The following DPP4 variants were observed in gnomAD, a reference collection of about 807,000 sequenced individuals.
DPP4 encodes dipeptidyl peptidase 4.
Under a neutral mutation model 122.4 loss-of-function variants are expected in DPP4, and 93 were observed. The ratio of observed to expected loss-of-function variants is 0.76; its 90% confidence interval spans 0.64 to 0.90. DPP4 has a LOEUF of 0.90. Ranked by LOEUF, DPP4 falls within the 40% of genes least tolerant of loss-of-function variation. DPP4 has a pLI of 0.00. For missense variants in DPP4, 914 were observed against 907.3 expected, an observed-to-expected ratio of 1.01 and a Z score of -0.09; for synonymous variants, 321 against 302.9, an observed-to-expected ratio of 1.06 and a Z score of -0.62.
intron 25 of DPP4, among the ~76,000 whole-genome samples, chr2:161,994,747 G>A (rs1349289681): frequency 2.0e-5 from 3 of 152,090 alleles, no homozygotes; most frequent in Non-Finnish European, 2.9e-5. Context: ...CAGCATATGC[G>A]ATATTGTGCT....
At position 162,005,730 on chromosome 2, in the gene DPP4, G is replaced by T; in HGVS notation, c.2052+15C>A. On this transcript the variant is annotated intron_variant, in intron 23 of 25. Coordinates refer to ENST00000360534, the MANE Select transcript of DPP4 (RefSeq NM_001935.4). ...TAAATAGGTTATAAAATAGGTATAG[G>T]TCCTCATCTCTTACTCTGTAATGGT... 6.2e-7 allele frequency: 1 copy of T among 1,608,336 alleles called. No individual in the cohort carries two copies. The highest frequency in any genetic ancestry group is 2.2e-5 in the East Asian group (1 of 44,750).
rs948042002 is a variant in DPP4, at chr2:162,038,340, T to G, written c.575A>C (p.Asp192Ala). ...GTCAGTTATTCCATTATATATTATA[T>G]CTTCTTTCCCCGTCCATGTGATTCT... ...SYRITWTGKE[D>A]IIYNGITDWV... is the part of the protein sequence containing the mutation. Residue 192 changes from aspartate to alanine, a missense_variant, in exon 8 of 26, where the codon GAT (aspartate) becomes GCT (alanine). By Grantham distance (126) the Asp-to-Ala change is moderately radical (BLOSUM62 -2). Transcript: ENST00000360534. 5 of 1,605,906 alleles carry G rather than the reference T, an allele frequency of 3.1e-6. No individual in the cohort carries two copies. Among genetic ancestry groups the G allele is most frequent in the Middle Eastern group, 1.7e-4 (1 of 6,046 alleles).
intron 10 of DPP4, chr2:162,032,099 C>T (rs554757154): frequency 6.4e-4 from 98 of 152,324 alleles, no homozygotes; most frequent in African/African-American, 2.0e-3. Context: ...TGGATGCTTC[C>T]GTACTGCTGT....
chr2:161,994,476 G>A (rs766601070), intron 25 of DPP4, among the ~76,000 whole-genome samples: 1 of 152,084 alleles, frequency 6.6e-6, no homozygotes, highest in Non-Finnish European at 1.5e-5. Context: ...ATTGTTTATC[G>A]CCTGTGGTTA....
At chr2:162,009,372 C>A (rs1701362283) in intron 20 of DPP4, 77 bp from the exon 21 acceptor site, 2 of 1,321,580 alleles carry the variant, frequency 1.5e-6, no homozygotes, top group Admixed American at 1.7e-5. Context: ...AAATGTGAAA[C>A]CCTGCCATTT....
intron 16 of DPP4, among the ~76,000 whole-genome samples, chr2:162,018,068 C>A (rs965519915): frequency 6.6e-6 from 1 of 151,880 alleles, no homozygotes; most frequent in African/African-American, 2.4e-5. Flanking sequence ...TAGTAAAGAA[C>A]CATAAAGAAA....
At chr2:161,996,894 C>A (rs990407668) in intron 23 of DPP4, among the ~76,000 whole-genome samples, 6 of 152,148 alleles carry the variant, frequency 3.9e-5, no homozygotes, top group African/African-American at 1.4e-4. Flanking sequence ...AATGTATTCA[C>A]CTTAAACAAG....
In DPP4 at chr2:162,016,860, C is replaced by G. The variant is rs17848907; in HGVS notation, c.1475G>C (p.Arg492Thr). 34 of 1,610,262 alleles carry G rather than the reference C, an allele frequency of 2.1e-5. No individual in the cohort carries two copies. The highest frequency in any genetic ancestry group is 2.6e-5 in the Non-Finnish European group (31 of 1,179,016). The change falls in exon 18 of 26, where the codon AGA becomes ACA. Residue 492 changes from arginine (R) to threonine (T), a missense_variant. Arg to Thr is a moderately conservative substitution (Grantham distance 71). Coordinates refer to ENST00000360534, the MANE Select transcript of DPP4 (RefSeq NM_001935.4). ...LHSSVNDKGL[R>T]VLEDNSALDK... ...CAAAGCTGAATTGTCTTCCAGGACT[C>G]TCAGCCCTAAAGAAATACAGGAGAC...
At chr2:162,048,794 G>A (rs901970745) in intron 2 of DPP4, among the ~76,000 whole-genome samples, 2 of 152,106 alleles carry the variant, frequency 1.3e-5, no homozygotes, top group African/African-American at 4.8e-5. Flanking sequence ...CAACTCTTTT[G>A]CTCTGCCTAC....
At position 162,045,621 on chromosome 2, in the gene DPP4, C is replaced by A. The variant is rs945196707; in HGVS notation, c.286-9G>T. ...GAATGTCCAAACTCATCCTGTCAAA[C>A]AAGAAGAACAAAGAAAAATTGAACA... On this transcript the variant is annotated splice_polypyrimidine_tract_variant and intron_variant, in intron 4 of 25. Coordinates refer to ENST00000360534, the MANE Select transcript of DPP4 (RefSeq NM_001935.4). 1.2e-5 allele frequency: 19 copies of A among 1,600,062 alleles called. No homozygotes were observed. In the Middle Eastern group the frequency reaches 5.0e-4, roughly 42 times the overall value.
chr2:162,049,395 C>T (rs1684303468), intron 2 of DPP4, among the ~76,000 whole-genome samples: 1 of 149,546 alleles, frequency 6.7e-6, no homozygotes, highest in Middle Eastern at 3.2e-3. Context: ...CCAAATGCCA[C>T]ATATTCTCAC....
intron 2 of DPP4, among the ~76,000 whole-genome samples, chr2:162,055,621 G>A (rs1456193755): frequency 2.0e-5 from 3 of 151,062 alleles, no homozygotes; most frequent in Admixed American, 6.6e-5. Flanking sequence ...GCAGTGAGCC[G>A]AGACTGTGCC....
chr2:161,995,037 G>A lies in DPP4; in HGVS notation c.2126-3C>T. 5 of 1,613,970 alleles carry A rather than the reference G, an allele frequency of 3.1e-6. No homozygotes were observed. The highest frequency in any genetic ancestry group is 4.2e-6 in the Non-Finnish European group (5 of 1,179,934). On this transcript the variant is annotated splice_polypyrimidine_tract_variant and splice_region_variant and intron_variant, in intron 24 of 25. Coordinates refer to ENST00000360534, the MANE Select transcript of DPP4 (RefSeq NM_001935.4). Reference sequence around the variant, plus strand: ...TGACTGCTGAAAGTGAACGTTATCTGCAGGGAGAGAAAGGAAACATAAAGT... The same window carrying A: ...TGACTGCTGAAAGTGAACGTTATCTACAGGGAGAGAAAGGAAACATAAAGT...
At chr2:162,020,796 T>A in intron 12 of DPP4, 108 bp from the exon 13 acceptor site, 1 of 614,720 alleles carries the variant, frequency 1.6e-6, no homozygotes, top group East Asian at 3.0e-5. Context: ...AAATCCATGC[T>A]CCATTTATAT....
At chr2:162,025,301 G>A (rs1683286469) in intron 10 of DPP4, among the ~76,000 whole-genome samples, 2 of 152,004 alleles carry the variant, frequency 1.3e-5, no homozygotes, top group African/African-American at 4.8e-5. Flanking sequence ...GCTGTCTTGA[G>A]GGAAGTGAGG....
intron 2 of DPP4, among the ~76,000 whole-genome samples, chr2:162,060,729 C>T (rs964794633): frequency 1.3e-5 from 2 of 152,148 alleles, no homozygotes; most frequent in African/African-American, 4.8e-5. Context: ...CAACTCTTTC[C>T]TTAGAACTCT....
intron 24 of DPP4, 45 bp downstream of exon 24, chr2:161,995,255 C>T: frequency 6.4e-7 from 1 of 1,565,824 alleles, no homozygotes; most frequent in Non-Finnish European, 8.8e-7. Flanking sequence ...AGTGAAATTG[C>T]AAACCTGTCT....
At chr2:162,052,162 T>C (rs1264717774) in intron 2 of DPP4, among the ~76,000 whole-genome samples, 2 of 151,460 alleles carry the variant, frequency 1.3e-5, no homozygotes, top group African/African-American at 2.4e-5. Context: ...CTGCTAACAA[T>C]AGAAAATTAG....
intron 2 of DPP4, among the ~76,000 whole-genome samples, chr2:162,055,510 A>C (rs981763737): frequency 6.6e-6 from 1 of 152,118 alleles, no homozygotes; most frequent in African/African-American, 2.4e-5. Flanking sequence ...CAGCCTGGGC[A>C]ACATGGTGAA....
Sources: allele counts gnomAD v4.1 joint callset (sites outside exome capture counted in the v4.1 genomes callset), GRCh38; gene constraint gnomAD v4.1.1; transcripts MANE v1.5; gene names NCBI Gene and HGNC (gene_info 2026-07-23, HGNC 2026-07-21).